NCOA2: variants seen among roughly 807,000 people sequenced by gnomAD.
NCOA2 encodes the protein nuclear receptor coactivator 2, also known as class E basic helix-loop-helix protein 75.
NCOA2 carries 21 observed loss-of-function variants against 145.1 expected under a neutral mutation model. That is an observed-to-expected ratio of 0.14 (90% confidence interval 0.10 to 0.21). The LOEUF is 0.21. NCOA2 is among the 10% of genes least tolerant of loss of function. NCOA2 has a pLI of 1.00. For synonymous variants in NCOA2, 619 were observed against 637.5 expected (o/e 0.97, Z 0.44); for missense variants, 1,472 against 1,837.6 (o/e 0.80, Z 3.64).
At chr8:70,114,634 C>T (rs1227183433) in intron 22 of NCOA2, among the ~76,000 whole-genome samples, 1 of 152,188 alleles carries the variant, frequency 6.6e-6, no homozygotes, top group African/African-American at 2.4e-5. Context: ...ATAATTGTAC[C>T]TTGCTACAAA....
the NCOA2 span, among the ~76,000 whole-genome samples, chr8:70,408,868 T>C: frequency 2.0e-5 from 3 of 150,874 alleles, no homozygotes; most frequent in Non-Finnish European, 4.4e-5. Flanking sequence ...GCTGAAGTGA[T>C]CTGCCCACCT....
At chr8:70,298,443 T>A (rs1827243196) in intron 1 of NCOA2, among the ~76,000 whole-genome samples, 1 of 152,164 alleles carries the variant, frequency 6.6e-6, no homozygotes, top group South Asian at 2.1e-4. Flanking sequence ...AATAAGAAGT[T>A]ATCACAGTAA....
chr8:70,276,742 C>T (rs1825497446), intron 2 of NCOA2, among the ~76,000 whole-genome samples: 3 of 152,124 alleles, frequency 2.0e-5, no homozygotes, highest in African/African-American at 7.2e-5. Flanking sequence ...AACCTCTTTC[C>T]TTTATAAATT....
At chr8:70,419,499 T>A in the NCOA2 span, among the ~76,000 whole-genome samples, 1 of 152,176 alleles carries the variant, frequency 6.6e-6, no homozygotes, top group Non-Finnish European at 1.5e-5. Context: ...CTAGAGTGAT[T>A]ATACTTTCTT....
In NCOA2 at chr8:70,113,607, G is replaced by C; in HGVS notation, c.*25C>G. The C allele has an allele frequency of 1.3e-6, 2 of 1,551,686 alleles. No homozygotes were observed. The highest frequency in any genetic ancestry group is 1.7e-6 in the Non-Finnish European group (2 of 1,146,838). The stretch of plus-strand genomic sequence containing the variant: ...TTTGAGCAAGTGAGCCCGGTCAGCT[G>C]AAGAAGCAACTGGCTTCAGCAGTGT... On this transcript the variant is annotated 3_prime_UTR_variant, in exon 23 of 23. Coordinates refer to ENST00000452400, the MANE Select transcript of NCOA2 (RefSeq NM_006540.4).
chr8:70,405,702 A>G (rs568948975), upstream of NCOA2, among the ~76,000 whole-genome samples: 45 of 148,168 alleles, frequency 3.0e-4, no homozygotes, highest in African/African-American at 1.1e-3. Flanking sequence ...TAAAAAAAAG[A>G]TTCTCCTTCT....
chr8:70,213,754 A>T, intron 4 of NCOA2, 149 bp downstream of exon 4: 1 of 677,888 alleles, frequency 1.5e-6, no homozygotes, highest in Non-Finnish European at 2.4e-6. Context: ...ACTGCAAGTG[A>T]TACTTGCATT....
chr8:70,179,914 C>A (rs892910527), intron 4 of NCOA2, among the ~76,000 whole-genome samples: 12 of 152,188 alleles, frequency 7.9e-5, no homozygotes, highest in African/African-American at 2.9e-4. Context: ...TACGCTTTTA[C>A]CATTAAAGTT....
Position 70,122,681 on chromosome 8 carries a change from T to G in NCOA2, c.4293+1203A>C, listed in dbSNP as rs189711397. On this transcript the variant is annotated intron_variant, in intron 21 of 22. Coordinates refer to ENST00000452400, the MANE Select transcript of NCOA2 (RefSeq NM_006540.4). Reference sequence around the variant, plus strand: ...AACCTTCTTAAAATGCAAAGGGCTTTAAATTTTCTCATGTACCACTTTCCA... The same window carrying G: ...AACCTTCTTAAAATGCAAAGGGCTTGAAATTTTCTCATGTACCACTTTCCA... 2.9e-4 allele frequency among the ~76,000 whole-genome samples: 44 copies of G among 152,370 alleles called. 1 individual carries two copies. Among genetic ancestry groups the G allele is most frequent in the Admixed American group, 2.9e-3 (44 of 15,302 alleles).
chr8:70,432,706 A>T, the NCOA2 span, among the ~76,000 whole-genome samples: 1 of 152,092 alleles, frequency 6.6e-6, no homozygotes, highest in Non-Finnish European at 1.5e-5. Flanking sequence ...GTAAAATCCT[A>T]GGGTTCACTC....
chr8:70,261,463 G>C (rs924013713), intron 2 of NCOA2, among the ~76,000 whole-genome samples: 4 of 151,928 alleles, frequency 2.6e-5, no homozygotes, highest in Non-Finnish European at 5.9e-5. Flanking sequence ...AGGCGGGAGG[G>C]ATAGCATTAG....
Position 70,170,382 on chromosome 8 carries a change from A to G in NCOA2, c.364-3T>C. 6.4e-7 allele frequency: 1 copy of G among 1,572,648 alleles called. No homozygotes were observed. Among genetic ancestry groups the G allele is most frequent in the Non-Finnish European group, 8.6e-7 (1 of 1,158,686 alleles). On this transcript the variant is annotated splice_polypyrimidine_tract_variant and splice_region_variant and intron_variant, in intron 5 of 22. Transcript: ENST00000452400. ...ACAAAGAAGAACCCATCAAGGGCCT[A>G]GGGAACAAAGTACAAATTGTGTTAG... is the stretch of plus-strand genomic sequence containing the variant.
the NCOA2 span, among the ~76,000 whole-genome samples, chr8:70,429,839 C>G: frequency 6.6e-6 from 1 of 152,000 alleles, no homozygotes; most frequent in Non-Finnish European, 1.5e-5. Context: ...GTTAAAGGAC[C>G]TTTGCTTTTG....
the NCOA2 span, among the ~76,000 whole-genome samples, chr8:70,446,318 C>T: frequency 1.1e-4 from 17 of 152,160 alleles, no homozygotes; most frequent in African/African-American, 3.9e-4. Flanking sequence ...TGGTTTTTGC[C>T]TCAGATAGCT....
Position 70,156,577 on chromosome 8 carries a change from T to C in NCOA2, c.1788A>G (p.Thr596=), listed in dbSNP as rs771772664. 6.2e-7 allele frequency: 1 copy of C among 1,613,958 alleles called. No homozygotes were observed. Among genetic ancestry groups the C allele is most frequent in the South Asian group, 1.1e-5 (1 of 91,074 alleles). ...GGCAGCTGCTCTCTGCTTGTCCAGT[T>C]GTACCTTCAGAGGGCTCCCCATATA... ...FGLYGEPSEG[T]TGQAESSCHP... Residue 596 remains threonine, a synonymous_variant, in exon 11 of 23, where the codon ACA becomes ACG. Transcript: ENST00000452400.
At chr8:70,164,965 C>T (rs1210032794) in intron 7 of NCOA2, among the ~76,000 whole-genome samples, 2 of 152,082 alleles carry the variant, frequency 1.3e-5, no homozygotes, top group African/African-American at 4.8e-5. Context: ...GTCACGCAAA[C>T]CTTCGGCAAA....
chr8:70,434,640 C>G, the NCOA2 span, among the ~76,000 whole-genome samples: 1 of 152,176 alleles, frequency 6.6e-6, no homozygotes, highest in Non-Finnish European at 1.5e-5. Context: ...GGAATCATAG[C>G]TCCTTGCAGC....
intron 1 of NCOA2, among the ~76,000 whole-genome samples, chr8:70,340,830 C>A (rs1004417148): frequency 1.3e-5 from 2 of 152,048 alleles, no homozygotes; most frequent in Non-Finnish European, 2.9e-5. Flanking sequence ...AACACAGGAA[C>A]AGAAAAACAA....
chr8:70,353,580 T>G (rs1156830504), intron 1 of NCOA2, among the ~76,000 whole-genome samples: 1 of 151,430 alleles, frequency 6.6e-6, no homozygotes, highest in Non-Finnish European at 1.5e-5. Context: ...AGTTAAGTGA[T>G]TTGGCCAAAG....
Sources: allele counts gnomAD v4.1 joint callset (sites outside exome capture counted in the v4.1 genomes callset), GRCh38; gene constraint gnomAD v4.1.1; transcripts MANE v1.5; gene names NCBI Gene and HGNC (gene_info 2026-07-23, HGNC 2026-07-21).